Variants in GNAL observed in about 807,000 individuals in gnomAD.
The protein encoded by GNAL is guanine nucleotide-binding protein G(olf) subunit alpha.
In GNAL, 18 loss-of-function variants were observed where a neutral mutation model predicts 55.1. The ratio of observed to expected loss-of-function variants is 0.33; its 90% CI spans 0.23 to 0.48. The LOEUF is 0.48. Among genes scored for constraint, GNAL ranks in the 20% least tolerant of loss-of-function variants. The pLI is 0.99. For missense variants in GNAL, 412 were observed against 614.1 expected, an observed-to-expected ratio of 0.67 and a Z score of 3.48; for synonymous variants, 253 against 237.0, an observed-to-expected ratio of 1.07 and a Z score of -0.62.
At chr18:11,743,081 C>T (rs1298836922) in intron 1 of GNAL, among the ~76,000 whole-genome samples, 2 of 152,174 alleles carry the variant, frequency 1.3e-5, no homozygotes, top group Non-Finnish European at 2.9e-5. Flanking sequence ...TGGTATATCC[C>T]CACTTGATTT....
intron 1 of GNAL, among the ~76,000 whole-genome samples, chr18:11,706,821 T>C (rs931583075): frequency 7.9e-5 from 12 of 152,202 alleles, no homozygotes; most frequent in Non-Finnish European, 1.5e-4. Context: ...CTTTTAATTC[T>C]AGTTCTCTTG....
chr18:11,793,745 G>A (rs562435244), intron 4 of GNAL, among the ~76,000 whole-genome samples: 26 of 151,870 alleles, frequency 1.7e-4, no homozygotes, highest in African/African-American at 6.0e-4. Flanking sequence ...CCAACATGGC[G>A]AAACTGTGCC....
At chr18:11,769,014 TCTATATTATAATATATTATATATA>T (rs2033528520) in intron 4 of GNAL, among the ~76,000 whole-genome samples, 1 of 106,742 alleles carries the variant, frequency 9.4e-6, no homozygotes, top group Non-Finnish European at 1.7e-5. Context: ...ATATATATAT[TCTATATTATAATATATTATATATA>T]ATATATAATA....
chr18:11,748,334 A>G (rs1256783644), intron 1 of GNAL, among the ~76,000 whole-genome samples: 3 of 152,124 alleles, frequency 2.0e-5, no homozygotes, highest in African/African-American at 7.2e-5. Flanking sequence ...TACTCTTCTT[A>G]CTCAGCCTCT....
chr18:11,862,488 T>C, intron 6 of GNAL, 39 bp downstream of exon 6: 1 of 1,377,146 alleles, frequency 7.3e-7, no homozygotes, highest in Non-Finnish European at 1.0e-6. Flanking sequence ...CACCAGAAAC[T>C]TTGAGATTCA....
chr18:11,878,311 T>C (rs2036579729), intron 11 of GNAL, among the ~76,000 whole-genome samples: 1 of 151,972 alleles, frequency 6.6e-6, no homozygotes, highest in Non-Finnish European at 1.5e-5. Context: ...CGTACCTGGG[T>C]ATGGTGGCAC....
At chr18:11,869,146 A>T (rs980628377) in intron 9 of GNAL, among the ~76,000 whole-genome samples, 3 of 149,816 alleles carry the variant, frequency 2.0e-5, no homozygotes, top group South Asian at 2.1e-4. Context: ...TTTTTTTATT[A>T]TTTTTTTTTT....
chr18:11,751,498 C>T lies in GNAL; in HGVS notation c.377-1355C>T, dbSNP rs1366362787. Reference sequence around the variant, plus strand: ...GTCTAGAAGCTGAGCAGAACAAAGGCGGTGTGACTGGTGAGCCTCGGAGGG... The same window carrying T: ...GTCTAGAAGCTGAGCAGAACAAAGGTGGTGTGACTGGTGAGCCTCGGAGGG... On this transcript the variant is annotated intron_variant, in intron 1 of 11. Transcript: ENST00000334049. This position sits in a 1 kb window ranked among gnomAD's most constrained non-coding sequence, Gnocchi z 4.5. 2.0e-6 allele frequency: 2 copies of T among 985,162 alleles called. No individual in the cohort carries two copies. The highest frequency in any genetic ancestry group is 5.2e-4 in the Middle Eastern group (1 of 1,940). The allele number at this position is 985,162 out of a possible 1,614,324, so 61.0% of individuals were successfully genotyped here. A position where few individuals can be genotyped will look rare whatever the true frequency, so the allele number is the denominator to read the frequency against.
intron 4 of GNAL, among the ~76,000 whole-genome samples, chr18:11,757,701 C>T (rs369477962): frequency 1.9e-4 from 29 of 152,122 alleles, no homozygotes; most frequent in African/African-American, 6.3e-4. Context: ...GTTTTGTTTT[C>T]CTGGTGAGTT....
intron 4 of GNAL, among the ~76,000 whole-genome samples, chr18:11,822,487 C>G (rs1037005602): frequency 6.6e-6 from 1 of 152,120 alleles, no homozygotes; most frequent in Admixed American, 6.5e-5. Context: ...GGCTGTAGTC[C>G]CAGCTACTTG....
chr18:11,732,130 G>A (rs894124447), intron 1 of GNAL, among the ~76,000 whole-genome samples: 1 of 152,182 alleles, frequency 6.6e-6, no homozygotes, highest in Non-Finnish European at 1.5e-5. Flanking sequence ...GAATAATGCT[G>A]CTATGGACAT....
intron 5 of GNAL, among the ~76,000 whole-genome samples, chr18:11,832,499 T>C (rs1230901380): frequency 3.3e-5 from 5 of 152,180 alleles, no homozygotes; most frequent in African/African-American, 1.2e-4. Context: ...TTCAGGACAA[T>C]CTGGAAATTA....
chr18:11,728,393 C>T lies in GNAL; in HGVS notation c.377-24460C>T, dbSNP rs377492087. On this transcript the variant is annotated intron_variant, in intron 1 of 11. Coordinates refer to ENST00000334049, the MANE Select transcript of GNAL (RefSeq NM_182978.4). Reference sequence around the variant, plus strand: ...TTATTTACTTTTGGAAGTCCACCTGCTCTCACAGCCAGTGTCATGTAAGCT... The same window carrying T: ...TTATTTACTTTTGGAAGTCCACCTGTTCTCACAGCCAGTGTCATGTAAGCT... Among the ~76,000 whole-genome samples the T allele has an allele frequency of 7.9e-5, 12 of 152,298 alleles. No homozygotes were observed. In the East Asian group the frequency reaches 1.9e-3, roughly 25 times the overall value.
In GNAL at chr18:11,703,795, G is replaced by GCGCACACACACACACA. The variant is rs1311432181; in HGVS notation, c.376+13857_376+13858insGCACACACACACACAC. ...GGGATAGGAGGCCCAGTGTTGATGG[G>GCGCACACACACACACA]CACACACACACACACACACACACAC... On this transcript the variant is annotated intron_variant, in intron 1 of 11. Transcript: ENST00000334049. Among the ~76,000 whole-genome samples the GCGCACACACACACACA allele has an allele frequency of 3.1e-3, 438 of 141,492 alleles. 2 individuals carry two copies. Among genetic ancestry groups the GCGCACACACACACACA allele is most frequent in the African/African-American group, 0.011 (423 of 37,944 alleles). 92.8% of individuals were successfully genotyped at this position (141,492 alleles called of 152,430 possible).
At chr18:11,757,948 G>A (rs1181299475) in intron 4 of GNAL, among the ~76,000 whole-genome samples, 1 of 152,136 alleles carries the variant, frequency 6.6e-6, no homozygotes, top group Non-Finnish European at 1.5e-5. Context: ...GGTGCAGGTG[G>A]CGGCGGCAGA....
chr18:11,767,687 CTG>C (rs1335266754), intron 4 of GNAL, among the ~76,000 whole-genome samples: 1 of 152,236 alleles, frequency 6.6e-6, no homozygotes, highest in Non-Finnish European at 1.5e-5. Flanking sequence ...CAATTGCGCT[CTG>C]TGCATCCTTG....
At chr18:11,786,436 C>CCTTTT (rs2034059621) in intron 4 of GNAL, among the ~76,000 whole-genome samples, 1 of 60,616 alleles carries the variant, frequency 1.6e-5, no homozygotes, top group African/African-American at 7.0e-5. Flanking sequence ...CATACGTTTT[C>CCTTTT]TTTTTTTTTT....
intron 11 of GNAL, among the ~76,000 whole-genome samples, chr18:11,879,164 T>G (rs1013010494): frequency 1.5e-5 from 2 of 136,346 alleles, no homozygotes; most frequent in African/African-American, 5.1e-5. Flanking sequence ...TGTCCATAAG[T>G]TTTTTTTTTA....
chr18:11,762,238 G>A (rs1215780246), intron 4 of GNAL, among the ~76,000 whole-genome samples: 1 of 152,192 alleles, frequency 6.6e-6, no homozygotes, highest in East Asian at 1.9e-4. Flanking sequence ...GTGAAAGGTT[G>A]ACATCACAGA....
Sources: gnomAD v4.1 joint callset for allele counts (sites outside exome capture counted in the v4.1 genomes callset) on GRCh38, gnomAD v4.1.1 for gene constraint, Gnocchi (gnomAD v3.1) non-coding constraint, MANE v1.5 for transcripts, NCBI Gene and HGNC (gene_info 2026-07-23, HGNC 2026-07-21) for gene names.